The following FRMD6 variants were observed in gnomAD, a reference collection of about 807,000 sequenced individuals.
FRMD6 encodes the protein FERM domain-containing protein 6.
In FRMD6, 37 loss-of-function variants were observed where a neutral mutation model predicts 73.2. That is an observed-to-expected ratio of 0.51 (90% CI 0.39 to 0.66). The LOEUF (loss-of-function observed/expected upper bound fraction) is 0.66, where lower values mean the gene tolerates loss of function less well. Ranked by LOEUF, FRMD6 falls within the 30% of genes least tolerant of loss-of-function variation. The pLI is 0.00. For synonymous variants in FRMD6, 273 were observed against 282.2 expected (o/e 0.97, Z 0.33); for missense variants, 714 against 780.5 (o/e 0.91, Z 1.02).
At chr14:51,517,227 T>G (rs1361895160) in intron 1 of FRMD6, among the ~76,000 whole-genome samples, 2 of 152,208 alleles carry the variant, frequency 1.3e-5, no homozygotes, top group Non-Finnish European at 2.9e-5. Flanking sequence ...AATGGTTTAT[T>G]TATAAAAGTT....
chr14:51,624,264 G>A (rs1211736481), intron 2 of FRMD6, among the ~76,000 whole-genome samples: 2 of 152,154 alleles, frequency 1.3e-5, no homozygotes, highest in Non-Finnish European at 2.9e-5. Flanking sequence ...GCTTACCTAT[G>A]TAACAAACCT....
chr14:51,629,135 T>G (rs2139969551), intron 2 of FRMD6, among the ~76,000 whole-genome samples: 1 of 152,238 alleles, frequency 6.6e-6, no homozygotes, highest in African/African-American at 2.4e-5. Flanking sequence ...CGCCTCGCCC[T>G]CCCAAAGTGC....
intron 1 of FRMD6, among the ~76,000 whole-genome samples, chr14:51,659,101 G>T (rs1411717806): frequency 2.0e-5 from 3 of 152,146 alleles, no homozygotes; most frequent in African/African-American, 7.2e-5. Flanking sequence ...ATAATGATAG[G>T]AATGAGGTCT....
the FRMD6 span, among the ~76,000 whole-genome samples, chr14:51,437,365 C>G: frequency 1.3e-5 from 2 of 151,236 alleles, no homozygotes; most frequent in Admixed American, 1.3e-4. Flanking sequence ...TGCAGTGGCG[C>G]GATCTCGGCT....
intron 2 of FRMD6, among the ~76,000 whole-genome samples, chr14:51,695,509 T>G (rs1895885821): frequency 6.6e-6 from 1 of 152,160 alleles, no homozygotes; most frequent in Non-Finnish European, 1.5e-5. Context: ...TGGGTGGGTT[T>G]GCATTTATAC....
At position 51,720,184 on chromosome 14, in the gene FRMD6, C is replaced by G; in HGVS notation, c.1154C>G (p.Ser385Cys). The G allele has an allele frequency of 6.2e-7, 1 of 1,614,042 alleles. No individual in the cohort carries two copies. The highest frequency in any genetic ancestry group is 8.5e-7 in the Non-Finnish European group (1 of 1,180,040). Residue 385 changes from serine (S) to cysteine (C), a missense_variant, in exon 11 of 14, where the codon TCC becomes TGC. By Grantham distance (112) the Ser-to-Cys change is moderately radical. Coordinates refer to ENST00000344768, the MANE Select transcript of FRMD6 (RefSeq NM_001267046.2). ...AAACACAAGCGCCTGTCCCGTCATTCCACCGCCAGCCACAGCAGTTCCCAC... is the reference window on the plus strand; with the variant it reads ...AAACACAAGCGCCTGTCCCGTCATTGCACCGCCAGCCACAGCAGTTCCCAC... ...SMKHKRLSRH[S>C]TASHSSSHTS...
At chr14:51,684,869 T>C (rs1895046922) in intron 1 of FRMD6, among the ~76,000 whole-genome samples, 1 of 152,190 alleles carries the variant, frequency 6.6e-6, no homozygotes, top group Non-Finnish European at 1.5e-5. Flanking sequence ...AAGCAAAATA[T>C]GTAGCTAGTG....
At chr14:51,545,046 G>T (rs35253123) in intron 1 of FRMD6, among the ~76,000 whole-genome samples, 11,030 of 152,012 alleles carry the variant, frequency 0.073, 558 homozygotes, top group Non-Finnish European at 0.11. Flanking sequence ...AAGGGTTTGG[G>T]GCTGAAACAT....
At chr14:51,665,155 A>G (rs1243602242) in intron 1 of FRMD6, among the ~76,000 whole-genome samples, 1 of 152,238 alleles carries the variant, frequency 6.6e-6, no homozygotes. Flanking sequence ...GAGAAATTTT[A>G]CATTAAAAAA....
chr14:51,570,029 A>T (rs778528832), intron 1 of FRMD6, among the ~76,000 whole-genome samples: 1 of 151,840 alleles, frequency 6.6e-6, no homozygotes, highest in African/African-American at 2.4e-5. Context: ...GTTAGCCAGG[A>T]TGGTCTCGAT....
intron 1 of FRMD6, among the ~76,000 whole-genome samples, chr14:51,552,474 A>G (rs575570813): frequency 6.6e-6 from 1 of 152,292 alleles, no homozygotes; most frequent in African/African-American, 2.4e-5. Flanking sequence ...GCTGGCAATG[A>G]TTTCACAGGT....
At position 51,608,343 on chromosome 14, in the gene FRMD6, G is replaced by A. The variant is rs113272801; in HGVS notation, c.-147+37933G>A. 6.0e-3 allele frequency among the ~76,000 whole-genome samples: 913 copies of A among 152,294 alleles called. 14 individuals are homozygous for A. The highest frequency in any genetic ancestry group is 0.021 in the African/African-American group (860 of 41,568). On this transcript the variant is annotated intron_variant, in intron 2 of 14. Coordinates refer to the FRMD6 transcript ENST00000356218. ...TGTGACCACCAGCTCTAGAATCTGA[G>A]GTCAGATACTTATTGTTTGTACACC...
chr14:51,569,707 G>GC (rs1215238348), intron 1 of FRMD6, among the ~76,000 whole-genome samples: 4 of 151,496 alleles, frequency 2.6e-5, no homozygotes, highest in Non-Finnish European at 5.9e-5. Flanking sequence ...TTGCCATGTT[G>GC]CCCAGGCTAC....
chr14:51,510,096 AT>A (rs1210409366), intron 1 of FRMD6, among the ~76,000 whole-genome samples: 2 of 152,120 alleles, frequency 1.3e-5, no homozygotes, highest in Non-Finnish European at 2.9e-5. Context: ...TATGTTGTTT[AT>A]TTTTCATCCA....
At chr14:51,636,925 A>G (rs1891593304) in intron 2 of FRMD6, among the ~76,000 whole-genome samples, 1 of 152,222 alleles carries the variant, frequency 6.6e-6, no homozygotes, top group African/African-American at 2.4e-5. Context: ...AAACATTTTA[A>G]GTAAATAGTA....
chr14:51,462,016 G>T, the FRMD6 span, among the ~76,000 whole-genome samples: 1 of 152,020 alleles, frequency 6.6e-6, no homozygotes, highest in East Asian at 1.9e-4. Context: ...CCTTAGGAAG[G>T]GAGAAAGGGA....
chr14:51,546,681 C>T (rs927441500), intron 1 of FRMD6: 14 of 150,502 alleles, frequency 9.3e-5, no homozygotes, highest in African/African-American at 3.2e-4. Context: ...AAATTATCTT[C>T]ATTGTAATTG....
At chr14:51,548,053 G>A (rs1051162575) in intron 1 of FRMD6, among the ~76,000 whole-genome samples, 2 of 152,102 alleles carry the variant, frequency 1.3e-5, no homozygotes, top group African/African-American at 2.4e-5. Context: ...ATGTGTGCCC[G>A]CATCAAGCAG....
At chr14:51,469,876 A>G in the FRMD6 span, among the ~76,000 whole-genome samples, 1 of 152,016 alleles carries the variant, frequency 6.6e-6, no homozygotes, top group African/African-American at 2.4e-5. Flanking sequence ...TCACCTTTCT[A>G]TGGAAATCAT....
Sources: allele counts gnomAD v4.1 joint callset (sites outside exome capture counted in the v4.1 genomes callset), GRCh38; gene constraint gnomAD v4.1.1; transcripts MANE v1.5; gene names NCBI Gene and HGNC (gene_info 2026-07-23, HGNC 2026-07-21).